IGSF3: variants seen among roughly 807,000 people sequenced by gnomAD.
The protein encoded by IGSF3 is glu-Trp-Ile EWI motif-containing protein 3.
Under a neutral mutation model 114.4 loss-of-function variants are expected in IGSF3, and 23 were observed. The observed-to-expected ratio is 0.20, with a 90% CI of 0.14 to 0.28. The LOEUF is 0.28. Ranked by LOEUF, IGSF3 falls within the 10% of genes least tolerant of loss-of-function variation. IGSF3 has a pLI of 1.00. For missense variants in IGSF3, 1,172 were observed against 1,591.5 expected (o/e 0.74, Z 4.48); for synonymous variants, 571 against 645.2 (o/e 0.88, Z 1.74).
rs567192773 is a variant in IGSF3, at chr1:116,616,819, G to T, written c.44-362C>A. 5.3e-4 allele frequency among the ~76,000 whole-genome samples: 81 copies of T among 152,250 alleles called. 2 individuals are homozygous for T. The highest frequency in any genetic ancestry group is 1.8e-3 in the African/African-American group (76 of 41,558). ...TTTAATAAAATGAGCAGGAAAAGTTGAATCCTTGGCACAAATTCAGATGAA... is the reference window on the plus strand; with the variant it reads ...TTTAATAAAATGAGCAGGAAAAGTTTAATCCTTGGCACAAATTCAGATGAA... On this transcript the variant is annotated intron_variant, in intron 2 of 10. Transcript: ENST00000369486. The surrounding 1 kb of genome is among the most constrained non-coding windows in gnomAD (Gnocchi z 6.6).
chr1:116,591,301 T>C (rs1660100840), intron 7 of IGSF3, among the ~76,000 whole-genome samples: 1 of 152,088 alleles, frequency 6.6e-6, no homozygotes, highest in South Asian at 2.1e-4. Context: ...GATATCTATA[T>C]CAGTGCAAAT....
chr1:116,588,029 A>G lies in IGSF3; in HGVS notation c.2440+665T>C, dbSNP rs1659928018. Among the ~76,000 whole-genome samples, 1 of 152,264 alleles carries G rather than the reference A, an allele frequency of 6.6e-6. No homozygotes were observed. Among genetic ancestry groups the G allele is most frequent in the African/African-American group, 2.4e-5 (1 of 41,476 alleles). ...ACTTCTCTTTGGTTGTTCCAGGGGC[A>G]GATCTAAAAAGGGAAATTACAGGAA... On this transcript the variant is annotated intron_variant, in intron 8 of 10. Transcript: ENST00000369486. The surrounding 1 kb of genome is among the most constrained non-coding windows in gnomAD (Gnocchi z 4.9).
At chr1:116,613,527 G>A (rs1394615071) in intron 4 of IGSF3, among the ~76,000 whole-genome samples, 1 of 152,168 alleles carries the variant, frequency 6.6e-6, no homozygotes, top group Non-Finnish European at 1.5e-5. Flanking sequence ...GTCAAAGAAA[G>A]CATGTCTCTA....
In IGSF3 at chr1:116,655,983, G is replaced by A. The variant is rs944669505; in HGVS notation, c.43+10301C>T. Among the ~76,000 whole-genome samples the A allele has an allele frequency of 2.0e-5, 3 of 152,006 alleles. No individual in the cohort carries two copies. Among genetic ancestry groups the A allele is most frequent in the Non-Finnish European group, 4.4e-5 (3 of 68,008 alleles). ...CAAAATTTATTGTTATATAGTTATT[G>A]AAGGAGGCTCACTACTCCCCAATGA... On this transcript the variant is annotated intron_variant, in intron 2 of 10. Transcript: ENST00000369486. This position sits in a 1 kb window ranked among gnomAD's most constrained non-coding sequence, Gnocchi z 4.3.
intron 7 of IGSF3, among the ~76,000 whole-genome samples, chr1:116,599,629 G>A (rs1052283809): frequency 2.0e-5 from 3 of 152,116 alleles, no homozygotes; most frequent in African/African-American, 7.2e-5. Flanking sequence ...AGGTTCTTAG[G>A]AGTTACATGC....
rs901729826 is a variant in IGSF3, at chr1:116,634,283, A to G, written c.44-17826T>C. Among the ~76,000 whole-genome samples, 15 of 152,366 alleles carry G rather than the reference A, an allele frequency of 9.8e-5. No homozygotes were observed. Among genetic ancestry groups the G allele is most frequent in the African/African-American group, 3.4e-4 (14 of 41,580 alleles). ...GATAATTTTAAATTTCTCCTAATAA[A>G]ACGCTGTTTAAAAATCTAAGAGGAA... On this transcript the variant is annotated intron_variant, in intron 2 of 10. Coordinates refer to ENST00000369486, the MANE Select transcript of IGSF3 (RefSeq NM_001007237.3). This position sits in a 1 kb window ranked among gnomAD's most constrained non-coding sequence, Gnocchi z 4.2.
rs566082983 is a variant in IGSF3, at chr1:116,619,936, A to G, written c.44-3479T>C. Among the ~76,000 whole-genome samples, 4 of 152,218 alleles carry G rather than the reference A, an allele frequency of 2.6e-5. No individual in the cohort carries two copies. The South Asian group carries it at 8.3e-4, about 32-fold the overall frequency. On this transcript the variant is annotated intron_variant, in intron 2 of 10. Coordinates refer to ENST00000369486, the MANE Select transcript of IGSF3 (RefSeq NM_001007237.3). The stretch of plus-strand genomic sequence containing the variant: ...ATACTAGGTGACAGGATGGCAAGTG[A>G]TTTTTATTTTTTTCTTAATATTTTA...
At position 116,584,788 on chromosome 1, in the gene IGSF3, C is replaced by T. The variant is rs200076224; in HGVS notation, c.2705G>A (p.Arg902His). 83 of 1,614,230 alleles carry T rather than the reference C, an allele frequency of 5.1e-5. No individual in the cohort carries two copies. In the East Asian group the frequency reaches 1.2e-3, roughly 23 times the overall value. The change falls in exon 9 of 11, where the codon CGT (arginine) becomes CAT (histidine). Residue 902 changes from arginine to histidine, a missense_variant. Arg to His is a conservative substitution (Grantham distance 29). Coordinates refer to ENST00000369486, the MANE Select transcript of IGSF3 (RefSeq NM_001007237.3). The surrounding 1 kb of genome is among the most constrained non-coding windows in gnomAD (Gnocchi z 5.8). ...CACAGCCACGTTCTGGATGAAGAGA[C>T]GGTACACGCCGGGGGAAGGACTCTC... Reference protein sequence around the residue: ...HLESPSPGVYRLFIQNVAVQD... With the variant: ...HLESPSPGVYHLFIQNVAVQD...
chr1:116,589,450 G>A lies in IGSF3; in HGVS notation c.2030-346C>T, dbSNP rs1446540926. Among the ~76,000 whole-genome samples the A allele has an allele frequency of 6.6e-6, 1 of 152,068 alleles. No individual in the cohort carries two copies. Among genetic ancestry groups the A allele is most frequent in the Non-Finnish European group, 1.5e-5 (1 of 68,024 alleles). ...ATGGCTCTGAACTACCTACGGGCCA[G>A]AGAGAAACAATTCCTTTTCACAGCA... On this transcript the variant is annotated intron_variant, in intron 7 of 10. Coordinates refer to ENST00000369486, the MANE Select transcript of IGSF3 (RefSeq NM_001007237.3). This position sits in a 1 kb window ranked among gnomAD's most constrained non-coding sequence, Gnocchi z 5.7.
chr1:116,628,520 G>T lies in IGSF3; in HGVS notation c.44-12063C>A, dbSNP rs1647406465. Among the ~76,000 whole-genome samples the T allele has an allele frequency of 6.6e-6, 1 of 152,072 alleles. No individual in the cohort carries two copies. Among genetic ancestry groups the T allele is most frequent in the South Asian group, 2.1e-4 (1 of 4,824 alleles). On this transcript the variant is annotated intron_variant, in intron 2 of 10. Coordinates refer to ENST00000369486, the MANE Select transcript of IGSF3 (RefSeq NM_001007237.3). This position sits in a 1 kb window ranked among gnomAD's most constrained non-coding sequence, Gnocchi z 4.2. ...ATGGGCATCTGTATTCCATTACCCA[G>T]CATATAACCACTTTGGGCAACAGGG...
intron 2 of IGSF3, among the ~76,000 whole-genome samples, chr1:116,639,509 G>A (rs2101051644): frequency 6.6e-6 from 1 of 152,322 alleles, no homozygotes; most frequent in East Asian, 1.9e-4. Context: ...AGCTGCATCT[G>A]GGATCAGTCT....
At position 116,586,777 on chromosome 1, in the gene IGSF3, T is replaced by A. The variant is rs146312433; in HGVS notation, c.2441-1725A>T. Among the ~76,000 whole-genome samples, 11 of 152,252 alleles carry A rather than the reference T, an allele frequency of 7.2e-5. No homozygotes were observed. In the East Asian group the frequency reaches 2.1e-3, roughly 29 times the overall value. On this transcript the variant is annotated intron_variant, in intron 8 of 10. Coordinates refer to ENST00000369486, the MANE Select transcript of IGSF3 (RefSeq NM_001007237.3). ...TGCAGAGTGGTGGGGGTGATCATGT[T>A]CTTTCAGTAGAGAAAATAATCAGAA...
rs374762143 is a variant in IGSF3, at chr1:116,607,533, A to G, written c.1222+409T>C. Reference sequence around the variant, plus strand: ...TTTAAAATCCTCCCATAAAAGACCAACTCTCCTTAAGTGAGATTTCAAGGC... The same window carrying G: ...TTTAAAATCCTCCCATAAAAGACCAGCTCTCCTTAAGTGAGATTTCAAGGC... On this transcript the variant is annotated intron_variant, in intron 5 of 10. Transcript: ENST00000369486. The surrounding 1 kb of genome is among the most constrained non-coding windows in gnomAD (Gnocchi z 6.1). 6.6e-6 allele frequency among the ~76,000 whole-genome samples: 1 copy of G among 152,120 alleles called. No homozygotes were observed. The highest frequency in any genetic ancestry group is 1.5e-5 in the Non-Finnish European group (1 of 68,012).
At chr1:116,621,557 CTG>C (rs1278533018) in intron 2 of IGSF3, among the ~76,000 whole-genome samples, 2 of 152,150 alleles carry the variant, frequency 1.3e-5, no homozygotes, top group African/African-American at 2.4e-5. Flanking sequence ...ACCACAGAAA[CTG>C]TGAGATAATA....
intron 4 of IGSF3, among the ~76,000 whole-genome samples, chr1:116,609,496 G>A (rs1660928323): frequency 6.6e-6 from 1 of 152,064 alleles, no homozygotes; most frequent in Non-Finnish European, 1.5e-5. Context: ...GTGTACAGTG[G>A]CTATTAATCT....
Position 116,603,886 on chromosome 1 carries a change from C to T in IGSF3, c.1362G>A (p.Gln454=). The T allele has an allele frequency of 6.2e-7, 1 of 1,614,098 alleles. No individual in the cohort carries two copies. Among genetic ancestry groups the T allele is most frequent in the Non-Finnish European group, 8.5e-7 (1 of 1,179,976 alleles). Reference sequence around the variant, plus strand: ...GCCACATGATATTGCTGCGGCGGTTCTGCCTGTCCACAAGCTGCCAGATGA... The same window carrying T: ...GCCACATGATATTGCTGCGGCGGTTTTGCCTGTCCACAAGCTGCCAGATGA... The part of the protein sequence containing the change: ...FSVIWQLVDR[Q]NRRSNIMWLD... The change falls in exon 6 of 11, where the codon CAG becomes CAA. Residue 454 remains glutamine (Q), a synonymous_variant. Transcript: ENST00000369486. This position sits in a 1 kb window ranked among gnomAD's most constrained non-coding sequence, Gnocchi z 7.1.
rs567547722 is a variant in IGSF3, at chr1:116,585,156, C to T, written c.2441-104G>A. The T allele has an allele frequency of 3.8e-4, 302 of 793,472 alleles. No homozygotes were observed. The highest frequency in any genetic ancestry group is 1.1e-3 in the African/African-American group (67 of 58,452). The allele number at this position is 793,472 out of a possible 1,614,324, so 49.2% of individuals were successfully genotyped here. On this transcript the variant is annotated intron_variant, in intron 8 of 10. Transcript: ENST00000369486. This position sits in a 1 kb window ranked among gnomAD's most constrained non-coding sequence, Gnocchi z 4.9. ...TGGATGCCTTCCAAATACAGAAGGA[C>T]GGCAGCACACACTCCATTAGGAGAA...
At chr1:116,643,162 C>A (rs1220524172) in intron 2 of IGSF3, among the ~76,000 whole-genome samples, 2 of 152,172 alleles carry the variant, frequency 1.3e-5, no homozygotes, top group Middle Eastern at 3.2e-3. Flanking sequence ...ATCAATAGTT[C>A]TGGAGTTGAT....
In IGSF3 at chr1:116,654,892, C is replaced by T. The variant is rs987273810; in HGVS notation, c.43+11392G>A. Among the ~76,000 whole-genome samples, 31 of 152,118 alleles carry T rather than the reference C, an allele frequency of 2.0e-4. No homozygotes were observed. The highest frequency in any genetic ancestry group is 6.8e-4 in the African/African-American group (28 of 41,404). ...GAGCCCCCTCCCTTCTCCTCGCTCT[C>T]CCCTTATCACTGCTATTCATCATCT... On this transcript the variant is annotated intron_variant, in intron 2 of 10. Coordinates refer to ENST00000369486, the MANE Select transcript of IGSF3 (RefSeq NM_001007237.3). This position sits in a 1 kb window ranked among gnomAD's most constrained non-coding sequence, Gnocchi z 4.4.
Sources: allele counts gnomAD v4.1 joint callset (sites outside exome capture counted in the v4.1 genomes callset), GRCh38; gene constraint gnomAD v4.1.1; non-coding constraint Gnocchi (gnomAD v3.1); transcripts MANE v1.5; gene names NCBI Gene and HGNC (gene_info 2026-07-23, HGNC 2026-07-21).